The following DAB1 variants were observed in gnomAD, a reference collection of about 807,000 sequenced individuals.
The protein encoded by DAB1 is DAB adaptor protein 1.
A neutral mutation model predicts 64.6 loss-of-function variants in DAB1; 15 were observed. The observed-to-expected ratio is 0.23, with a 90% CI of 0.16 to 0.36. The LOEUF (loss-of-function observed/expected upper bound fraction) is 0.36, where lower values mean the gene tolerates loss of function less well. Ranked by LOEUF, DAB1 falls within the 10% of genes least tolerant of loss-of-function variation. DAB1 has a pLI of 1.00. For missense variants in DAB1, 596 were observed against 706.7 expected (o/e 0.84, Z 1.78); for synonymous variants, 235 against 251.9 (o/e 0.93, Z 0.64).
intron 4 of DAB1, among the ~76,000 whole-genome samples, chr1:58,219,240 A>T (rs181896896): frequency 2.6e-4 from 40 of 151,928 alleles, no homozygotes; most frequent in African/African-American, 9.4e-4. Flanking sequence ...CTGTTGATGC[A>T]TTCTCTCTGG....
chr1:57,932,291 C>T (rs1179616311), intron 5 of DAB1, among the ~76,000 whole-genome samples: 1 of 152,112 alleles, frequency 6.6e-6, no homozygotes, highest in Non-Finnish European at 1.5e-5. Context: ...GTGAACTTGA[C>T]AAGAATATAT....
intron 3 of DAB1, among the ~76,000 whole-genome samples, chr1:58,479,691 C>G (rs567362562): frequency 6.6e-5 from 10 of 152,246 alleles, no homozygotes; most frequent in Non-Finnish European, 1.5e-4. Flanking sequence ...AGCTAATGAA[C>G]AACTGAGAAT....
chr1:58,018,076 T>C (rs1646766326), intron 5 of DAB1, among the ~76,000 whole-genome samples: 1 of 151,806 alleles, frequency 6.6e-6, no homozygotes, highest in Admixed American at 6.6e-5. Flanking sequence ...TCATGATGCT[T>C]GTGCTTTTTA....
intron 4 of DAB1, among the ~76,000 whole-genome samples, chr1:58,159,415 A>T (rs1655393928): frequency 6.6e-6 from 1 of 152,234 alleles, no homozygotes; most frequent in Non-Finnish European, 1.5e-5. Context: ...GAGGCCCAAG[A>T]ACAGGCAAAA....
intron 7 of DAB1, among the ~76,000 whole-genome samples, chr1:57,512,449 A>G (rs920791005): frequency 6.6e-6 from 1 of 152,238 alleles, no homozygotes. Context: ...TCTAGGAAGT[A>G]GGTACACAAA....
intron 6 of DAB1, among the ~76,000 whole-genome samples, chr1:57,810,106 T>TA (rs1651547342): frequency 6.6e-6 from 1 of 152,070 alleles, no homozygotes; most frequent in Non-Finnish European, 1.5e-5. Context: ...TGTTAAAACC[T>TA]TCTCTCCCCC....
chr1:57,294,922 C>A (rs1285464490), intron 1 of DAB1, among the ~76,000 whole-genome samples: 1 of 152,234 alleles, frequency 6.6e-6, no homozygotes, highest in Middle Eastern at 3.4e-3. Flanking sequence ...AGTACTGATA[C>A]ACACTGCAAC....
chr1:57,205,486 G>C (rs1665463863), intron 2 of DAB1, among the ~76,000 whole-genome samples: 1 of 152,146 alleles, frequency 6.6e-6, no homozygotes, highest in Admixed American at 6.5e-5. Flanking sequence ...TACCAAGGAG[G>C]AAAGTACATT....
At chr1:57,691,882 G>A (rs1053798385) in intron 6 of DAB1, among the ~76,000 whole-genome samples, 7 of 152,040 alleles carry the variant, frequency 4.6e-5, no homozygotes, top group African/African-American at 1.7e-4. Flanking sequence ...TAAATATTGG[G>A]CACCTGTTGG....
chr1:57,234,994 C>A (rs76661318), intron 2 of DAB1, among the ~76,000 whole-genome samples: 1 of 152,128 alleles, frequency 6.6e-6, no homozygotes, highest in Non-Finnish European at 1.5e-5. Context: ...GAAGGACCTA[C>A]GTGATTAGAT....
At chr1:57,514,359 A>T (rs1241414521) in intron 7 of DAB1, among the ~76,000 whole-genome samples, 1 of 152,124 alleles carries the variant, frequency 6.6e-6, no homozygotes, top group Non-Finnish European at 1.5e-5. Context: ...CATCTTTTTG[A>T]TAATAGTCCG....
At chr1:57,287,769 TTC>T (rs1402833543) in intron 2 of DAB1, among the ~76,000 whole-genome samples, 1 of 148,208 alleles carries the variant, frequency 6.7e-6, no homozygotes, top group East Asian at 1.9e-4. Context: ...CCAGCACGTT[TTC>T]TCTCTCTTTT....
intron 1 of DAB1, among the ~76,000 whole-genome samples, chr1:58,534,756 G>A (rs1646490677): frequency 6.6e-6 from 1 of 151,988 alleles, no homozygotes; most frequent in Non-Finnish European, 1.5e-5. Context: ...GCAACATGGT[G>A]AAACCCCGTC....
intron 6 of DAB1, among the ~76,000 whole-genome samples, chr1:57,771,075 G>A (rs558442757): frequency 2.6e-4 from 39 of 152,296 alleles, no homozygotes; most frequent in Admixed American, 1.9e-3. Context: ...TAAGCTCCAC[G>A]AGGGCAGAGA....
intron 7 of DAB1, among the ~76,000 whole-genome samples, chr1:57,459,064 A>T (rs1211630400): frequency 6.6e-6 from 1 of 152,172 alleles, no homozygotes; most frequent in Non-Finnish European, 1.5e-5. Context: ...TTTAAAAATT[A>T]TAAACTTAAT....
intron 5 of DAB1, among the ~76,000 whole-genome samples, chr1:58,074,200 C>A (rs961835787): frequency 2.0e-5 from 3 of 151,878 alleles, no homozygotes; most frequent in African/African-American, 7.3e-5. Flanking sequence ...AGGAAGGGTA[C>A]CACATGAAGG....
intron 2 of DAB1, among the ~76,000 whole-genome samples, chr1:57,241,688 C>T (rs564840236): frequency 6.6e-6 from 1 of 152,274 alleles, no homozygotes; most frequent in South Asian, 2.1e-4. Context: ...TGGAGTCTAG[C>T]CCTTCTGAGT....
intron 1 of DAB1, chr1:57,387,227 G>A (rs74995398): frequency 6.6e-6 from 1 of 152,138 alleles, no homozygotes; most frequent in Admixed American, 6.5e-5. Context: ...ATAAACTAGT[G>A]TGAGGATTAA....
chr1:57,030,972 A>T (rs1379216394), intron 9 of DAB1, among the ~76,000 whole-genome samples: 3 of 152,258 alleles, frequency 2.0e-5, no homozygotes, highest in Non-Finnish European at 1.5e-5. Flanking sequence ...CACAATTTAC[A>T]TTTCAAATGT....
Sources: gnomAD v4.1 joint callset for allele counts (sites outside exome capture counted in the v4.1 genomes callset) on GRCh38, gnomAD v4.1.1 for gene constraint, MANE v1.5 for transcripts, NCBI Gene and HGNC (gene_info 2026-07-23, HGNC 2026-07-21) for gene names.